The following ATP9B variants were observed in gnomAD, a reference collection of about 807,000 sequenced individuals.
The protein encoded by ATP9B is ATPase phospholipid transporting 9B, also known as probable phospholipid-transporting ATPase IIB.
ATP9B carries 110 observed loss-of-function variants against 146.1 expected under a neutral mutation model. The observed-to-expected ratio is 0.75, with a 90% CI of 0.65 to 0.88. The LOEUF is 0.88. Ranked by LOEUF, ATP9B falls within the 40% of genes least tolerant of loss-of-function variation. The pLI, the probability that ATP9B is intolerant of heterozygous loss-of-function variation, is 0.00. For missense variants in ATP9B, 1,499 were observed against 1,496.4 expected, an observed-to-expected ratio of 1.00 and a Z score of -0.03; for synonymous variants, 604 against 569.7, an observed-to-expected ratio of 1.06 and a Z score of -0.86.
At position 79,327,755 on chromosome 18, in the gene ATP9B, GCGTGCTCTCTGTGGTTAA is replaced by G. The variant is rs1568700203; in HGVS notation, c.1774-1376_1774-1359del. Among the ~76,000 whole-genome samples the G allele has an allele frequency of 2.6e-3, 345 of 130,450 alleles. 75 individuals carry two copies. The highest frequency in any genetic ancestry group is 4.1e-3 in the Admixed American group (54 of 13,146). 85.6% of individuals were successfully genotyped at this position (130,450 alleles called of 152,430 possible). ...GTGGTTAGCGTGCTCTCCGTGGTTA[GCGTGCTCTCTGTGGTTAA>G]CGTGCTCTCCGTGGTTAGCGTGCTC... On this transcript the variant is annotated intron_variant, in intron 15 of 29. Transcript: ENST00000426216.
chr18:79,329,398 C>T, intron 16 of ATP9B, 96 bp downstream of exon 16: 2 of 1,337,818 alleles, frequency 1.5e-6, no homozygotes, highest in Non-Finnish European at 2.0e-6. Flanking sequence ...TAAACATTTA[C>T]TCAGGTGCTT....
At chr18:79,098,757 G>A (rs1304173930) in intron 2 of ATP9B, among the ~76,000 whole-genome samples, 2 of 152,130 alleles carry the variant, frequency 1.3e-5, no homozygotes, top group African/African-American at 2.4e-5. Context: ...AATGTCCTTT[G>A]TAGCCTTATT....
At chr18:79,290,415 G>A (rs962572322) in intron 13 of ATP9B, among the ~76,000 whole-genome samples, 2 of 152,198 alleles carry the variant, frequency 1.3e-5, no homozygotes, top group Admixed American at 6.5e-5. Flanking sequence ...AGGACCCTCC[G>A]AGCCAGGTGC....
Position 79,307,025 on chromosome 18 carries a change from C to A in ATP9B, c.1564C>A (p.Pro522Thr), listed in dbSNP as rs770350633. Residue 522 changes from proline to threonine, a missense_variant, in exon 15 of 30, where the codon CCA becomes ACA. Pro to Thr is a conservative substitution (Grantham distance 38). Coordinates refer to ENST00000426216, the MANE Select transcript of ATP9B (RefSeq NM_198531.5). ...QAGGNNTGSTPLRKAQSSAPK... is the reference protein window; with the variant it reads ...QAGGNNTGSTTLRKAQSSAPK... ...TGGTGGAAACAATACTGGTTCAACT[C>A]CACTAAGAAAAGCCCAATCTTCAGC... 6.2e-7 allele frequency: 1 copy of A among 1,614,134 alleles called. No homozygotes were observed.
intron 7 of ATP9B, among the ~76,000 whole-genome samples, chr18:79,176,322 G>GAT (rs2095169527): frequency 6.6e-6 from 1 of 152,206 alleles, no homozygotes; most frequent in African/African-American, 2.4e-5. Flanking sequence ...TTTGAAACTG[G>GAT]ATAGGCCTGA....
chr18:79,086,453 A>AAAAAAAAAAG (rs2073839662), intron 1 of ATP9B: 2 of 150,856 alleles, frequency 1.3e-5, no homozygotes, highest in Admixed American at 6.6e-5. Context: ...AAAAAAAAAA[A>AAAAAAAAAAG]AAGATAAAAT....
chr18:79,313,008 C>G (rs1013647669), intron 15 of ATP9B, among the ~76,000 whole-genome samples: 2 of 152,208 alleles, frequency 1.3e-5, no homozygotes, highest in African/African-American at 4.8e-5. Context: ...CCAAGCTCCA[C>G]TCTTCCCACT....
intron 11 of ATP9B, among the ~76,000 whole-genome samples, chr18:79,222,467 G>T (rs1223232395): frequency 1.3e-5 from 2 of 152,068 alleles, no homozygotes; most frequent in African/African-American, 4.8e-5. Flanking sequence ...GTGGCCCCAC[G>T]TAGGCAACAT....
chr18:79,156,575 G>A (rs76538434), intron 7 of ATP9B, among the ~76,000 whole-genome samples: 6,325 of 152,230 alleles, frequency 0.042, 331 homozygotes, highest in African/African-American at 0.11. Flanking sequence ...AAGCAGTTCC[G>A]TTTGCAAGGT....
chr18:79,265,493 T>G (rs921966526), intron 12 of ATP9B, among the ~76,000 whole-genome samples: 1 of 152,202 alleles, frequency 6.6e-6, no homozygotes, highest in Admixed American at 6.5e-5. Context: ...TTTGTCTTCT[T>G]TTGAAAAGTG....
intron 4 of ATP9B, among the ~76,000 whole-genome samples, chr18:79,120,277 C>G (rs1357257351): frequency 2.6e-5 from 4 of 152,182 alleles, no homozygotes; most frequent in African/African-American, 9.7e-5. Flanking sequence ...TTTCTTCTAG[C>G]CAAAATCCTG....
chr18:79,086,466 C>T (rs2073844841), intron 1 of ATP9B: 1 of 103,566 alleles, frequency 9.7e-6, no homozygotes, highest in South Asian at 3.5e-4. Flanking sequence ...GATAAAATCT[C>T]AAGTTTAAAA....
chr18:79,264,316 T>C (rs116478509), intron 12 of ATP9B, among the ~76,000 whole-genome samples: 1,907 of 152,322 alleles, frequency 0.013, 38 homozygotes, highest in African/African-American at 0.043. Flanking sequence ...TAAACAATTA[T>C]GCACATATAT....
chr18:79,259,038 A>G (rs1375052874), intron 12 of ATP9B, among the ~76,000 whole-genome samples: 1 of 152,248 alleles, frequency 6.6e-6, no homozygotes, highest in African/African-American at 2.4e-5. Flanking sequence ...TGCACAGTAT[A>G]CAAATCTGTT....
chr18:79,269,876 TC>T (rs36079359), intron 12 of ATP9B, among the ~76,000 whole-genome samples: 2 of 152,244 alleles, frequency 1.3e-5, no homozygotes, highest in Non-Finnish European at 2.9e-5. Flanking sequence ...GGCCCTGCCT[TC>T]CCTGAGGCGC....
rs2095178428 is a variant in ATP9B, at chr18:79,176,810, A to G, written c.779-3A>G. 1 of 1,613,572 alleles carries G rather than the reference A, an allele frequency of 6.2e-7. No homozygotes were observed. The highest frequency in any genetic ancestry group is 8.5e-7 in the Non-Finnish European group (1 of 1,179,570). ...TGGTAAATTTTTATTCTCTACTTCC[A>G]AGGTTCGTGTTTTATTCGAACTGAT... On this transcript the variant is annotated splice_region_variant and splice_polypyrimidine_tract_variant and intron_variant, in intron 7 of 29. Transcript: ENST00000426216.
At chr18:79,331,092 G>T (rs903542036) in intron 17 of ATP9B, among the ~76,000 whole-genome samples, 2 of 152,324 alleles carry the variant, frequency 1.3e-5, no homozygotes, top group Non-Finnish European at 2.9e-5. Context: ...GTATAAATCA[G>T]TAGTTGGATT....
intron 2 of ATP9B, among the ~76,000 whole-genome samples, chr18:79,107,548 G>A (rs538846753): frequency 6.6e-5 from 10 of 152,254 alleles, no homozygotes; most frequent in Admixed American, 5.9e-4. Context: ...CTGAGCCTTC[G>A]TAGTGTGTAG....
At chr18:79,244,183 A>G (rs1235431310) in intron 11 of ATP9B, among the ~76,000 whole-genome samples, 1 of 147,542 alleles carries the variant, frequency 6.8e-6, no homozygotes, top group South Asian at 2.1e-4. Flanking sequence ...CACAGTTTTC[A>G]TGGCCATGTT....
Sources: allele counts gnomAD v4.1 joint callset (sites outside exome capture counted in the v4.1 genomes callset), GRCh38; gene constraint gnomAD v4.1.1; transcripts MANE v1.5; gene names NCBI Gene and HGNC (gene_info 2026-07-23, HGNC 2026-07-21).